The following NRXN3 variants were observed in gnomAD, a reference collection of about 807,000 sequenced individuals.
NRXN3 encodes neurexin 3, also known as neurexin III.
NRXN3 carries 32 observed loss-of-function variants against 137.6 expected under a neutral mutation model. The observed-to-expected ratio is 0.23, with a 90% confidence interval of 0.18 to 0.31. NRXN3 has a LOEUF of 0.31. Among genes scored for constraint, NRXN3 ranks in the 10% least tolerant of loss-of-function variants. NRXN3 has a pLI of 1.00. For synonymous variants in NRXN3, 798 were observed against 784.5 expected, an observed-to-expected ratio of 1.02 and a Z score of -0.29; for missense variants, 1,574 against 2,062.5, an observed-to-expected ratio of 0.76 and a Z score of 4.59.
chr14:79,624,562 T>G (rs1395592276), intron 16 of NRXN3, among the ~76,000 whole-genome samples: 1 of 152,052 alleles, frequency 6.6e-6, no homozygotes, highest in Non-Finnish European at 1.5e-5. Context: ...TTAGCAAATT[T>G]CCATGATACA....
intron 3 of NRXN3, chr14:78,283,425 A>C (rs2074696838): frequency 6.6e-6 from 1 of 152,288 alleles, no homozygotes; most frequent in African/African-American, 2.4e-5. Flanking sequence ...AAATTTTATG[A>C]AATTTGAATT....
At position 78,225,979 on chromosome 14, in the gene NRXN3, GTGTGT is replaced by G. The variant is rs1182730359; in HGVS notation, c.-703-16411_-703-16407del. On this transcript the variant is annotated intron_variant, in intron 1 of 20. Transcript: ENST00000335750. ...TGTGTGTGTGTGTGTGTGTTGGTGT[GTGTGT>G]GTGTGTGTGTGTGTGTGTGTGTGTG... is the stretch of plus-strand genomic sequence containing the variant. Among the ~76,000 whole-genome samples, 306 of 81,544 alleles carry G rather than the reference GTGTGT, an allele frequency of 3.8e-3. 1 individual carries two copies. The highest frequency in any genetic ancestry group is 0.013 in the Middle Eastern group (2 of 150). 53.5% of individuals were successfully genotyped at this position (81,544 alleles called of 152,430 possible).
intron 15 of NRXN3, among the ~76,000 whole-genome samples, chr14:79,012,220 A>C (rs1594897121): frequency 1.3e-5 from 2 of 152,322 alleles, no homozygotes; most frequent in East Asian, 3.9e-4. Context: ...GACAAAGATT[A>C]AGAGATGGCT....
At chr14:79,400,547 C>T (rs1390307076) in intron 15 of NRXN3, among the ~76,000 whole-genome samples, 1 of 152,112 alleles carries the variant, frequency 6.6e-6, no homozygotes, top group Non-Finnish European at 1.5e-5. Context: ...CAAATTAGTT[C>T]CAAAGTCTAC....
At chr14:78,801,270 G>A (rs1442903204) in intron 8 of NRXN3, among the ~76,000 whole-genome samples, 1 of 152,152 alleles carries the variant, frequency 6.6e-6, no homozygotes, top group Non-Finnish European at 1.5e-5. Flanking sequence ...GCAGTGAGCC[G>A]AGATCGCGCT....
rs1201164578 is a variant in NRXN3 at position 79,511,058 on chromosome 14, AT to A, written c.3444+43658del. On this transcript the variant is annotated intron_variant, in intron 16 of 20. Coordinates refer to ENST00000335750, the MANE Select transcript of NRXN3 (RefSeq NM_001330195.2). ...CTAGGTTTTGGAAGAATTCTTAATG[AT>A]TCTGTTAAAGAGGAAGAAATAGGAA... Among the ~76,000 whole-genome samples, 4 of 152,292 alleles carry A rather than the reference AT, an allele frequency of 2.6e-5. No individual in the cohort carries two copies. The East Asian group carries it at 7.7e-4, about 29-fold the overall frequency.
intron 15 of NRXN3, among the ~76,000 whole-genome samples, chr14:79,431,983 A>G (rs1226087162): frequency 6.6e-6 from 1 of 152,090 alleles, no homozygotes; most frequent in Non-Finnish European, 1.5e-5. Flanking sequence ...TGTCCTCTGC[A>G]TGTAGCCAAT....
chr14:79,068,109 T>C (rs2099683062), intron 15 of NRXN3, among the ~76,000 whole-genome samples: 1 of 152,036 alleles, frequency 6.6e-6, no homozygotes, highest in Non-Finnish European at 1.5e-5. Flanking sequence ...TCTGTGGATA[T>C]CTGGAAGTAA....
intron 3 of NRXN3, among the ~76,000 whole-genome samples, chr14:78,287,205 C>G (rs1300391466): frequency 1.3e-5 from 2 of 152,202 alleles, no homozygotes; most frequent in Non-Finnish European, 2.9e-5. Context: ...CCACATATAT[C>G]ATGAGTAGTG....
intron 19 of NRXN3, among the ~76,000 whole-genome samples, chr14:79,734,065 C>A (rs1271516306): frequency 6.6e-6 from 1 of 152,134 alleles, no homozygotes; most frequent in Non-Finnish European, 1.5e-5. Context: ...TTATGAAATA[C>A]CTTCCACTAG....
chr14:79,096,089 A>AT (rs1451964765), intron 15 of NRXN3, among the ~76,000 whole-genome samples: 2 of 147,642 alleles, frequency 1.4e-5, no homozygotes, highest in African/African-American at 5.0e-5. Context: ...CTCTTTTTTG[A>AT]TTTTTTAATT....
At chr14:78,430,399 T>C (rs1353868203) in intron 4 of NRXN3, among the ~76,000 whole-genome samples, 1 of 152,228 alleles carries the variant, frequency 6.6e-6, no homozygotes, top group African/African-American at 2.4e-5. Context: ...TATGGCTAAA[T>C]GTTTCCACCA....
chr14:79,470,943 AGAGAGAGAGTGT>A (rs2096495619), intron 16 of NRXN3, among the ~76,000 whole-genome samples: 1 of 89,030 alleles, frequency 1.1e-5, no homozygotes, highest in Admixed American at 1.1e-4. Context: ...AGAGAGAAAG[AGAGAGAGAGTGT>A]GTGTGTGTGT....
intron 16 of NRXN3, among the ~76,000 whole-genome samples, chr14:79,522,346 G>C (rs997288430): frequency 6.6e-6 from 1 of 152,084 alleles, no homozygotes; most frequent in African/African-American, 2.4e-5. Context: ...ATTAAGAGGG[G>C]TGCACAGGGG....
At chr14:79,192,663 A>G (rs2064530570) in intron 15 of NRXN3, among the ~76,000 whole-genome samples, 1 of 152,142 alleles carries the variant, frequency 6.6e-6, no homozygotes, top group African/African-American at 2.4e-5. Context: ...GTCTGTGACT[A>G]ATTTTGTTAA....
intron 15 of NRXN3, among the ~76,000 whole-genome samples, chr14:79,082,592 C>G (rs1168417832): frequency 6.6e-6 from 1 of 152,090 alleles, no homozygotes; most frequent in Non-Finnish European, 1.5e-5. Context: ...GAGTCCCTGC[C>G]ACACATGAGA....
At chr14:79,002,731 C>G (rs1208114298) in intron 15 of NRXN3, among the ~76,000 whole-genome samples, 1 of 152,048 alleles carries the variant, frequency 6.6e-6, no homozygotes, top group Non-Finnish European at 1.5e-5. Flanking sequence ...TGGGTATATA[C>G]CCAGTAGTGG....
intron 4 of NRXN3, among the ~76,000 whole-genome samples, chr14:78,607,001 G>T (rs2097258625): frequency 6.6e-6 from 1 of 152,114 alleles, no homozygotes; most frequent in South Asian, 2.1e-4. Flanking sequence ...CATCCTCCTA[G>T]GTTGAATTCC....
chr14:79,716,536 TG>T (rs1335124416), intron 19 of NRXN3, among the ~76,000 whole-genome samples: 1 of 152,164 alleles, frequency 6.6e-6, no homozygotes. Flanking sequence ...CGTGAAAATT[TG>T]ATTCTTCTTC....
Sources: allele counts gnomAD v4.1 joint callset (sites outside exome capture counted in the v4.1 genomes callset), GRCh38; gene constraint gnomAD v4.1.1; transcripts MANE v1.5; gene names NCBI Gene and HGNC (gene_info 2026-07-23, HGNC 2026-07-21).